The following IGF2R variants were observed in gnomAD, a reference collection of about 807,000 sequenced individuals.
IGF2R encodes insulin like growth factor 2 receptor.
A neutral mutation model predicts 270.6 loss-of-function variants in IGF2R; 91 were observed. The ratio of observed to expected loss-of-function variants is 0.34; its 90% CI spans 0.28 to 0.40. The LOEUF (loss-of-function observed/expected upper bound fraction) is 0.40, where lower values mean the gene tolerates loss of function less well. Ranked by LOEUF, IGF2R falls within the 10% of genes least tolerant of loss-of-function variation. The pLI, the probability that IGF2R is intolerant of heterozygous loss-of-function variation, is 1.00. For missense variants in IGF2R, 2,805 were observed against 3,188.3 expected, an observed-to-expected ratio of 0.88 and a Z score of 2.90; for synonymous variants, 1,316 against 1,258.9, an observed-to-expected ratio of 1.05 and a Z score of -0.96.
intron 44 of IGF2R, chr6:160,094,361 A>C (rs1779299726): frequency 4.5e-6 from 1 of 221,230 alleles, no homozygotes. Flanking sequence ...TGTAGACTGC[A>C]CCTGCTGCCT....
chr6:160,102,225 C>T lies in IGF2R; in HGVS notation c.6843-294C>T, dbSNP rs549252616. Among the ~76,000 whole-genome samples, 8 of 152,302 alleles carry T rather than the reference C, an allele frequency of 5.3e-5. No individual in the cohort carries two copies. In the South Asian group the frequency reaches 1.0e-3, roughly 20 times the overall value. ...GGATTGGGCCACCTAGAGGGGGCCGCGTCCCTCCTGCCTGTCTCCTCTGTG... is the reference window on the plus strand; with the variant it reads ...GGATTGGGCCACCTAGAGGGGGCCGTGTCCCTCCTGCCTGTCTCCTCTGTG... On this transcript the variant is annotated intron_variant, in intron 45 of 47. Coordinates refer to ENST00000356956, the MANE Select transcript of IGF2R (RefSeq NM_000876.4). The surrounding 1 kb of genome is among the most constrained non-coding windows in gnomAD (Gnocchi z 4.5).
intron 44 of IGF2R, among the ~76,000 whole-genome samples, chr6:160,090,702 G>A (rs1002274846): frequency 1.3e-5 from 2 of 152,340 alleles, no homozygotes; most frequent in East Asian, 1.9e-4. Context: ...TTTTTGAACC[G>A]TGTGTGGATG....
In IGF2R at chr6:160,107,698, A is replaced by G. The variant is rs1330836296; in HGVS notation, c.*2614A>G. On this transcript the variant is annotated 3_prime_UTR_variant, in exon 48 of 48. Transcript: ENST00000356956. Reference sequence around the variant, plus strand: ...GGCAAACCCCACACCAAGGAAATCCACAGTGAAGTGGAAATCTGGTTCTTA... The same window carrying G: ...GGCAAACCCCACACCAAGGAAATCCGCAGTGAAGTGGAAATCTGGTTCTTA... The G allele has an allele frequency of 1.3e-5, 2 of 152,238 alleles. No homozygotes were observed. Among genetic ancestry groups the G allele is most frequent in the Non-Finnish European group, 2.9e-5 (2 of 68,040 alleles). The allele number at this position is 152,238 out of a possible 1,614,324, so 9.4% of individuals were successfully genotyped here. A position where few individuals can be genotyped will look rare whatever the true frequency, so the allele number is the denominator to read the frequency against.
chr6:159,995,947 C>T (rs1583248324), intron 2 of IGF2R, among the ~76,000 whole-genome samples: 1 of 119,276 alleles, frequency 8.4e-6, no homozygotes. Flanking sequence ...CTGTTTCATT[C>T]TCATCTGGAT....
rs1779696029 is a variant in IGF2R, at chr6:160,109,440, C to G, written c.*4356C>G. 6.6e-6 allele frequency: 1 copy of G among 152,240 alleles called. No homozygotes were observed. Among genetic ancestry groups the G allele is most frequent in the South Asian group, 2.1e-4 (1 of 4,836 alleles). 9.4% of individuals were successfully genotyped at this position (152,240 alleles called of 1,614,324 possible). ...CATTTTGAGACAACATGTAGACATT[C>G]AAACTTACAGAACAAAGAACTATTT... is the stretch of plus-strand genomic sequence containing the variant. On this transcript the variant is annotated 3_prime_UTR_variant, in exon 48 of 48. Coordinates refer to ENST00000356956, the MANE Select transcript of IGF2R (RefSeq NM_000876.4).
At chr6:160,073,562 C>A in intron 34 of IGF2R, 93 bp downstream of exon 34, 1 of 1,419,114 alleles carries the variant, frequency 7.0e-7, no homozygotes, top group Non-Finnish European at 9.7e-7. Context: ...CTAGTAGATG[C>A]CCAGCTGAAC....
chr6:160,103,593 G>T (rs1052946806), intron 46 of IGF2R, among the ~76,000 whole-genome samples, 153 bp from the exon 47 acceptor site: 7 of 152,074 alleles, frequency 4.6e-5, no homozygotes, highest in African/African-American at 1.7e-4. Flanking sequence ...TATATAACCT[G>T]TCACGGCTAC....
At chr6:160,033,516 G>A (rs1777747280) in intron 9 of IGF2R, among the ~76,000 whole-genome samples, 1 of 152,226 alleles carries the variant, frequency 6.6e-6, no homozygotes, top group Non-Finnish European at 1.5e-5. Flanking sequence ...TTTTCCGTAA[G>A]GTACGGGAGA....
At chr6:160,069,085 G>T (rs577402188) in intron 30 of IGF2R, among the ~76,000 whole-genome samples, 22 of 150,922 alleles carry the variant, frequency 1.5e-4, no homozygotes, top group African/African-American at 5.4e-4. Context: ...GCCTGCGTAT[G>T]TTGAGAGTTG....
chr6:160,038,653 G>A (rs1404382087), intron 10 of IGF2R, among the ~76,000 whole-genome samples: 1 of 152,148 alleles, frequency 6.6e-6, no homozygotes, highest in Non-Finnish European at 1.5e-5. Context: ...GCAGAGGCGC[G>A]TCACTGTTGC....
Position 160,033,088 on chromosome 6 carries a change from TACC to T in IGF2R, c.1195_1197del (p.His399del), listed in dbSNP as rs750940687. The T allele has an allele frequency of 5.0e-6, 8 of 1,613,216 alleles. No individual in the cohort carries two copies. Among genetic ancestry groups the T allele is most frequent in the Non-Finnish European group, 5.9e-6 (7 of 1,179,362 alleles). ...CTCTCAAGTCAAAGCAGCAGGAAGA[TACC>T]ACAATCAGACCCTCCGGTACGTCAA... On this transcript the variant is annotated inframe_deletion, in exon 9 of 48. Transcript: ENST00000356956.
intron 24 of IGF2R, 22 bp downstream of exon 24, chr6:160,061,668 G>C (rs999602445): frequency 1.6e-5 from 26 of 1,613,852 alleles, no homozygotes; most frequent in Non-Finnish European, 1.9e-5. Flanking sequence ...TTGGTCTCTT[G>C]ATTGGCGTCT....
chr6:160,051,458 G>A (rs954009597), intron 19 of IGF2R, among the ~76,000 whole-genome samples: 3 of 152,166 alleles, frequency 2.0e-5, no homozygotes, highest in African/African-American at 7.2e-5. Flanking sequence ...GCTTGAGGGT[G>A]GAGGTAACAA....
rs1039862700 is a variant in IGF2R, at chr6:160,051,474, G to A, written c.2694+822G>A. On this transcript the variant is annotated intron_variant, in intron 19 of 47. Transcript: ENST00000356956. The stretch of plus-strand genomic sequence containing the variant: ...CTTGAGGGTGGAGGTAACAAGGCAC[G>A]GTTCAAAGGATGACCTTGATTCTCA... Among the ~76,000 whole-genome samples the A allele has an allele frequency of 5.9e-5, 9 of 152,284 alleles. No individual in the cohort carries two copies. The East Asian group carries it at 7.7e-4, about 13-fold the overall frequency.
chr6:159,975,768 T>C (rs1341700066), intron 1 of IGF2R, among the ~76,000 whole-genome samples: 1 of 147,514 alleles, frequency 6.8e-6, no homozygotes, highest in Non-Finnish European at 1.5e-5. Flanking sequence ...GTGTATATTA[T>C]ATATGTATTA....
chr6:159,993,788 T>A (rs1784012427), intron 2 of IGF2R, among the ~76,000 whole-genome samples: 1 of 152,194 alleles, frequency 6.6e-6, no homozygotes. Flanking sequence ...TGATAAGAAT[T>A]GCACTGAATC....
At chr6:160,067,042 T>A (rs1035534559) in intron 29 of IGF2R, among the ~76,000 whole-genome samples, 6 of 152,172 alleles carry the variant, frequency 3.9e-5, no homozygotes, top group Admixed American at 3.9e-4. Context: ...ACCATGTCGC[T>A]CTTGCTGAAA....
intron 37 of IGF2R, among the ~76,000 whole-genome samples, chr6:160,079,300 T>G (rs1778923565): frequency 6.6e-6 from 1 of 152,192 alleles, no homozygotes; most frequent in Non-Finnish European, 1.5e-5. Context: ...CTCACTGGGC[T>G]CTGACTGGAG....
rs750178155 is a variant in IGF2R at position 160,070,077 on chromosome 6, AC to A, written c.4443+21del. ...CCAAGTGGTAAGGGACTGTTCCTGCACCTTCTGCTGTTGCAGCTTTGGGAAT... is the reference window on the plus strand; with the variant it reads ...CCAAGTGGTAAGGGACTGTTCCTGCACTTCTGCTGTTGCAGCTTTGGGAAT... On this transcript the variant is annotated intron_variant, in intron 31 of 47. Transcript: ENST00000356956. 6.2e-7 allele frequency: 1 copy of A among 1,611,522 alleles called. No individual in the cohort carries two copies. Among genetic ancestry groups the A allele is most frequent in the Admixed American group, 1.7e-5 (1 of 59,930 alleles).
Sources: allele counts gnomAD v4.1 joint callset (sites outside exome capture counted in the v4.1 genomes callset), GRCh38; gene constraint gnomAD v4.1.1; non-coding constraint Gnocchi (gnomAD v3.1); transcripts MANE v1.5; gene names NCBI Gene and HGNC (gene_info 2026-07-23, HGNC 2026-07-21).